The following INTS3 variants were observed in gnomAD, a reference collection of about 807,000 sequenced individuals.
The protein encoded by INTS3 is SOSS complex subunit A.
INTS3 carries 34 observed loss-of-function variants against 146.3 expected under a neutral mutation model. That is an observed-to-expected ratio of 0.23 (90% confidence interval 0.18 to 0.31). INTS3 has a LOEUF of 0.31. INTS3 is among the 10% of genes least tolerant of loss of function. INTS3 has a pLI of 1.00. For synonymous variants in INTS3, 475 were observed against 494.9 expected (o/e 0.96, Z 0.53); for missense variants, 757 against 1,304.2 (o/e 0.58, Z 6.46).
intron 21 of INTS3, among the ~76,000 whole-genome samples, chr1:153,768,244 T>C (rs1570882604): frequency 1.3e-5 from 2 of 152,278 alleles, no homozygotes; most frequent in East Asian, 3.9e-4. Context: ...CACTTTCATT[T>C]CCCCTGGTTC....
chr1:153,764,907 A>G (rs958243799), intron 19 of INTS3, 37 bp from the exon 20 acceptor site: 3 of 1,613,568 alleles, frequency 1.9e-6, no homozygotes, highest in Non-Finnish European at 2.5e-6. Context: ...TGCCCTGGGT[A>G]AAGTTCTGTT....
rs1265988637 is a variant in INTS3 at position 153,772,020 on chromosome 1, C to CCGGT, written c.2720+57_2720+58insCGGT. On this transcript the variant is annotated intron_variant, in intron 26 of 29. Coordinates refer to ENST00000318967, the MANE Select transcript of INTS3 (RefSeq NM_023015.5). The surrounding 1 kb of genome is among the most constrained non-coding windows in gnomAD (Gnocchi z 4.6). ...CATGGCGGTCTGCAGTGATTGCTGT[C>CCGGT]GGTGGTGGTGGTGGTGGTGGTGGTG... The CCGGT allele has an allele frequency of 5.9e-6, 7 of 1,182,446 alleles. No homozygotes were observed. Among genetic ancestry groups the CCGGT allele is most frequent in the Middle Eastern group, 2.2e-4 (1 of 4,610 alleles). The allele number at this position is 1,182,446 out of a possible 1,614,324, so 73.2% of individuals were successfully genotyped here.
At chr1:153,750,996 A>G (rs947722074) in intron 6 of INTS3, 99 bp from the exon 7 acceptor site, 101 of 1,251,894 alleles carry the variant, frequency 8.1e-5, no homozygotes, top group South Asian at 1.0e-4. Context: ...CAAATCATCA[A>G]TTATTTCTGA....
At chr1:153,728,805 G>T in intron 1 of INTS3, 21 bp downstream of exon 1, 1 of 1,473,780 alleles carries the variant, frequency 6.8e-7, no homozygotes, top group African/African-American at 1.5e-5. Context: ...GGGGAGGGAA[G>T]GGAGTTAAGA....
At position 153,765,240 on chromosome 1, in the gene INTS3, C is replaced by T. The variant is rs922477699; in HGVS notation, c.2090+177C>T. On this transcript the variant is annotated intron_variant, in intron 20 of 29. Transcript: ENST00000318967. ...CTCACTCTGTCACCTGATGACACTGCGGCTCAGTGCATGTCACTCACTGCA... is the reference window on the plus strand; with the variant it reads ...CTCACTCTGTCACCTGATGACACTGTGGCTCAGTGCATGTCACTCACTGCA... Among the ~76,000 whole-genome samples, 6 of 152,266 alleles carry T rather than the reference C, an allele frequency of 3.9e-5. No individual in the cohort carries two copies. The South Asian group carries it at 8.3e-4, about 21-fold the overall frequency.
At chr1:153,740,163 G>A (rs566676840) in intron 1 of INTS3, among the ~76,000 whole-genome samples, 26 of 151,766 alleles carry the variant, frequency 1.7e-4, no homozygotes, top group African/African-American at 5.1e-4. Context: ...GCAATGGCGC[G>A]ATCTCTGCTC....
chr1:153,752,211 C>T, intron 7 of INTS3, 68 bp from the exon 8 acceptor site: 1 of 1,479,384 alleles, frequency 6.8e-7, no homozygotes, highest in East Asian at 2.3e-5. Flanking sequence ...CTTTGTCCTC[C>T]CTCCAGCAGG....
intron 6 of INTS3, among the ~76,000 whole-genome samples, chr1:153,749,423 G>C (rs557356481): frequency 1.3e-5 from 2 of 152,306 alleles, no homozygotes; most frequent in East Asian, 3.9e-4. Context: ...TCTCTTTTCT[G>C]ATTGAGGACA....
In INTS3 at chr1:153,740,642, C is replaced by G. The variant is rs1359276179; in HGVS notation, c.151-9C>G. 6.2e-7 allele frequency: 1 copy of G among 1,611,126 alleles called. No homozygotes were observed. The highest frequency in any genetic ancestry group is 8.5e-7 in the Non-Finnish European group (1 of 1,177,542). ...GACACACTGTTCATTTTTTCTCACCCCTTCCCAGAGATTGGAAAGGTGTAT... is the reference window on the plus strand; with the variant it reads ...GACACACTGTTCATTTTTTCTCACCGCTTCCCAGAGATTGGAAAGGTGTAT... On this transcript the variant is annotated splice_polypyrimidine_tract_variant and intron_variant, in intron 1 of 29. Transcript: ENST00000318967.
intron 11 of INTS3, 50 bp downstream of exon 11, chr1:153,759,663 C>G (rs759775789): frequency 4.3e-6 from 5 of 1,168,894 alleles, no homozygotes; most frequent in Non-Finnish European, 6.4e-6. Context: ...CCTAAGCCCC[C>G]ACTGCCTTCC....
chr1:153,729,123 T>C (rs1670970836), intron 1 of INTS3, among the ~76,000 whole-genome samples: 1 of 152,198 alleles, frequency 6.6e-6, no homozygotes. Context: ...GTTTCAGACT[T>C]AGGTCAATAT....
chr1:153,746,134 C>G (rs1358154783), intron 3 of INTS3, among the ~76,000 whole-genome samples: 4 of 152,228 alleles, frequency 2.6e-5, no homozygotes, highest in Non-Finnish European at 4.4e-5. Context: ...GTCTAGGGCC[C>G]TGCCCTGGAT....
intron 18 of INTS3, among the ~76,000 whole-genome samples, 181 bp downstream of exon 18, chr1:153,764,402 T>C (rs1672497883): frequency 6.6e-6 from 1 of 152,228 alleles, no homozygotes; most frequent in African/African-American, 2.4e-5. Context: ...CCGTGCGTAC[T>C]GGGGAGGTTG....
In INTS3 at chr1:153,728,725, C is replaced by T. The variant is rs370834838; in HGVS notation, c.91C>T (p.Pro31Ser). The change falls in exon 1 of 30, where the codon CCA becomes TCA. Residue 31 changes from proline (P) to serine (S), a missense_variant. Transcript: ENST00000318967. ...GGGGGAGAGA[P>S]GGGRLLLSTS... The stretch of plus-strand genomic sequence containing the variant: ...AGGAGGAGGAGCGGGAGCAGGAGCC[C>T]CAGGAGGGGGGAGGCTGCTACTTTC... 1.1e-5 allele frequency: 18 copies of T among 1,610,030 alleles called. No individual in the cohort carries two copies. The highest frequency in any genetic ancestry group is 1.4e-5 in the Non-Finnish European group (16 of 1,178,166).
intron 1 of INTS3, among the ~76,000 whole-genome samples, chr1:153,737,064 GCCGT>G (rs1671322566): frequency 6.6e-6 from 1 of 152,080 alleles, no homozygotes; most frequent in Admixed American, 6.6e-5. Flanking sequence ...ACTGCACCTG[GCCGT>G]CTTTCATTCT....
At chr1:153,742,279 C>T (rs964180359) in intron 3 of INTS3, among the ~76,000 whole-genome samples, 2 of 152,158 alleles carry the variant, frequency 1.3e-5, no homozygotes, top group Admixed American at 6.5e-5. Flanking sequence ...GGGACCTTGT[C>T]GAGTTAAATT....
chr1:153,773,664 T>A lies in INTS3; in HGVS notation c.*394T>A. ...GGGCAGCTGGCCAGATAAGCTAGGA[T>A]GAGAGCAGAGACTCAGTGTGTGGGT... On this transcript the variant is annotated 3_prime_UTR_variant, in exon 30 of 30. Coordinates refer to ENST00000318967, the MANE Select transcript of INTS3 (RefSeq NM_023015.5). 3.5e-6 allele frequency: 1 copy of A among 286,590 alleles called. No homozygotes were observed. Among genetic ancestry groups the A allele is most frequent in the Non-Finnish European group, 7.1e-6 (1 of 140,754 alleles). 17.8% of individuals were successfully genotyped at this position (286,590 alleles called of 1,614,324 possible). A position where few individuals can be genotyped will look rare whatever the true frequency, so the allele number is the denominator to read the frequency against.
At chr1:153,748,625 G>C in intron 5 of INTS3, 64 bp from the exon 6 acceptor site, 1 of 1,297,990 alleles carries the variant, frequency 7.7e-7, no homozygotes, top group Non-Finnish European at 1.1e-6. Context: ...AATGGGTGAA[G>C]AGATGTATTG....
intron 5 of INTS3, chr1:153,747,651 A>G: frequency 2.2e-6 from 1 of 449,360 alleles, no homozygotes. Context: ...GAGATTTTAT[A>G]GCATTTCAGA....
Sources: gnomAD v4.1 joint callset for allele counts (sites outside exome capture counted in the v4.1 genomes callset) on GRCh38, gnomAD v4.1.1 for gene constraint, Gnocchi (gnomAD v3.1) non-coding constraint, MANE v1.5 for transcripts, NCBI Gene and HGNC (gene_info 2026-07-23, HGNC 2026-07-21) for gene names.